Variants in PKIG observed in about 807,000 individuals in gnomAD.
PKIG encodes the protein protein kinase (cAMP-dependent, catalytic) inhibitor gamma.
In PKIG, 1 loss-of-function variant was observed where a neutral mutation model predicts 6.8. The observed-to-expected ratio is 0.15, with a 90% CI of 0.05 to 0.69. The LOEUF (loss-of-function observed/expected upper bound fraction) is 0.69. PKIG is among the 30% of genes least tolerant of loss of function. The pLI is 0.82. For synonymous variants in PKIG, 39 were observed against 43.0 expected (o/e 0.91, Z 0.36); for missense variants, 77 against 104.0 (o/e 0.74, Z 1.13).
chr20:44,572,983 G>A (rs2064866502), intron 1 of PKIG, among the ~76,000 whole-genome samples: 1 of 152,196 alleles, frequency 6.6e-6, no homozygotes, highest in African/African-American at 2.4e-5. Flanking sequence ...CTATTAAAAA[G>A]CCCTGGGGCC....
chr20:44,591,933 C>T (rs1203264622), intron 2 of PKIG, among the ~76,000 whole-genome samples: 2 of 152,176 alleles, frequency 1.3e-5, no homozygotes, highest in South Asian at 2.1e-4. Flanking sequence ...GCCCTAGCCT[C>T]AGGATCAGTC....
At chr20:44,569,640 C>T (rs910156445) in intron 1 of PKIG, among the ~76,000 whole-genome samples, 1 of 151,258 alleles carries the variant, frequency 6.6e-6, no homozygotes, top group East Asian at 1.9e-4. Context: ...GAGTTTTACT[C>T]TTGTTGCCCA....
chr20:44,538,685 C>T (rs997902852), intron 1 of PKIG, among the ~76,000 whole-genome samples: 1 of 152,150 alleles, frequency 6.6e-6, no homozygotes, highest in Admixed American at 6.5e-5. Context: ...CCTGTAGTCA[C>T]AGTTTCATTA....
chr20:44,554,397 T>A (rs1346153903), intron 1 of PKIG, among the ~76,000 whole-genome samples: 2 of 152,182 alleles, frequency 1.3e-5, no homozygotes, highest in Non-Finnish European at 1.5e-5. Context: ...AATTTTTTAA[T>A]CCAGATAAAT....
At chr20:44,578,936 C>T (rs1451537451), upstream of PKIG, among the ~76,000 whole-genome samples, 2 of 152,204 alleles carry the variant, frequency 1.3e-5, no homozygotes, top group South Asian at 2.1e-4. Context: ...CTTTGGGAGG[C>T]CAAGGCAGGC....
chr20:44,604,704 T>C (rs2065149210), intron 2 of PKIG, among the ~76,000 whole-genome samples: 1 of 152,200 alleles, frequency 6.6e-6, no homozygotes, highest in African/African-American at 2.4e-5. Flanking sequence ...GAAGTAGAAC[T>C]CATGCAATAA....
At chr20:44,546,204 C>A (rs566235797) in intron 1 of PKIG, among the ~76,000 whole-genome samples, 1 of 152,308 alleles carries the variant, frequency 6.6e-6, no homozygotes, top group East Asian at 1.9e-4. Flanking sequence ...GAGCCATGAT[C>A]ATGCCATTGC....
At chr20:44,594,548 A>G (rs966274649) in intron 2 of PKIG, among the ~76,000 whole-genome samples, 1 of 152,246 alleles carries the variant, frequency 6.6e-6, no homozygotes, top group Non-Finnish European at 1.5e-5. Flanking sequence ...TTACAAAAGA[A>G]GAAACTGAGG....
At chr20:44,595,524 A>ATTTTTTTTTTTTTTTTTTTTTTTT (rs1173621926) in intron 2 of PKIG, among the ~76,000 whole-genome samples, 1 of 151,878 alleles carries the variant, frequency 6.6e-6, no homozygotes, top group African/African-American at 2.4e-5. Context: ...TTATTTATTT[A>ATTTTTTTTTTTTTTTTTTTTTTTT]TTTTTTTGAG....
upstream of PKIG, among the ~76,000 whole-genome samples, chr20:44,581,862 T>G (rs1435856025): frequency 1.3e-5 from 2 of 152,164 alleles, no homozygotes; most frequent in African/African-American, 4.8e-5. Flanking sequence ...TATAATGCAT[T>G]TGTTTATAAG....
At chr20:44,532,238 C>A (rs1316768984) in intron 1 of PKIG, among the ~76,000 whole-genome samples, 2 of 152,136 alleles carry the variant, frequency 1.3e-5, no homozygotes, top group African/African-American at 2.4e-5. Flanking sequence ...AAAAAAAAAT[C>A]CCTTCTTGTT....
chr20:44,540,049 C>T (rs906851129), intron 1 of PKIG, among the ~76,000 whole-genome samples: 2 of 152,102 alleles, frequency 1.3e-5, no homozygotes, highest in African/African-American at 4.8e-5. Flanking sequence ...CAACGTCCAC[C>T]TCCAGGGTTC....
At chr20:44,580,999 C>T (rs1297790762), upstream of PKIG, among the ~76,000 whole-genome samples, 1 of 152,186 alleles carries the variant, frequency 6.6e-6, no homozygotes, top group African/African-American at 2.4e-5. Context: ...AAAGCAGCCT[C>T]TCTGACCTAG....
intron 1 of PKIG, among the ~76,000 whole-genome samples, chr20:44,542,982 A>C (rs1210335973): frequency 6.6e-6 from 1 of 152,252 alleles, no homozygotes; most frequent in African/African-American, 2.4e-5. Context: ...ATTTTGAAGA[A>C]GTGCACTCTC....
chr20:44,587,475 C>T (rs1243715085), intron 1 of PKIG, among the ~76,000 whole-genome samples: 3 of 152,118 alleles, frequency 2.0e-5, no homozygotes, highest in Non-Finnish European at 2.9e-5. Context: ...AATGTATGGG[C>T]CCCACCTGAG....
chr20:44,580,217 T>C (rs2064935767), upstream of PKIG, among the ~76,000 whole-genome samples: 1 of 152,090 alleles, frequency 6.6e-6, no homozygotes, highest in South Asian at 2.1e-4. Flanking sequence ...TTCTTCTCAT[T>C]TTACACTGGG....
At chr20:44,576,155 TAG>T (rs1403241303) in intron 1 of PKIG, among the ~76,000 whole-genome samples, 1 of 122,714 alleles carries the variant, frequency 8.1e-6, no homozygotes, top group Non-Finnish European at 1.7e-5. Flanking sequence ...CTGGACTAAG[TAG>T]AGTGTGTGTG....
intron 1 of PKIG, among the ~76,000 whole-genome samples, chr20:44,574,723 G>A (rs549509474): frequency 2.6e-5 from 4 of 152,118 alleles, no homozygotes; most frequent in Admixed American, 6.5e-5. Flanking sequence ...ACAGGCACAC[G>A]CCACCATGCC....
chr20:44,576,968 C>T (rs556790892), intron 1 of PKIG, among the ~76,000 whole-genome samples: 4 of 152,082 alleles, frequency 2.6e-5, no homozygotes, highest in African/African-American at 7.2e-5. Flanking sequence ...CTCAGGACAT[C>T]GAACCCTGAA....
Sources: allele counts gnomAD v4.1 joint callset (sites outside exome capture counted in the v4.1 genomes callset), GRCh38; gene constraint gnomAD v4.1.1; transcripts MANE v1.5; gene names NCBI Gene and HGNC (gene_info 2026-07-23, HGNC 2026-07-21).